DYNC1H1: variants seen among roughly 807,000 people sequenced by gnomAD.
The protein encoded by DYNC1H1 is cytoplasmic dynein 1 heavy chain 1.
In DYNC1H1, 51 loss-of-function variants were observed where a neutral mutation model predicts 527.1. The ratio of observed to expected loss-of-function variants is 0.10; its 90% CI spans 0.08 to 0.12. DYNC1H1 has a LOEUF of 0.12. DYNC1H1 is among the 10% of genes least tolerant of loss of function. The pLI is 1.00. For missense variants in DYNC1H1, 2,771 were observed against 5,971.8 expected (o/e 0.46, Z 17.66); for synonymous variants, 2,189 against 2,278.8 (o/e 0.96, Z 1.12).
intron 51 of DYNC1H1, 23 bp downstream of exon 51, chr14:102,030,305 T>C: frequency 6.2e-7 from 1 of 1,614,072 alleles, no homozygotes; most frequent in Non-Finnish European, 8.5e-7. Context: ...TGTCAGAGCT[T>C]TGATGTCTAG....
At position 102,015,388 on chromosome 14, in the gene DYNC1H1, T is replaced by A. The variant is rs1478737173; in HGVS notation, c.7242+56T>A. On this transcript the variant is annotated intron_variant, in intron 35 of 77. Transcript: ENST00000360184. The surrounding 1 kb of genome is among the most constrained non-coding windows in gnomAD (Gnocchi z 6.9). ...ACCTGAGGGTGCTAGGATATTCAGATGTGGTCTCGCTGTGTTGCCCACGCT... is the reference window on the plus strand; with the variant it reads ...ACCTGAGGGTGCTAGGATATTCAGAAGTGGTCTCGCTGTGTTGCCCACGCT... 25 of 1,535,200 alleles carry A rather than the reference T, an allele frequency of 1.6e-5. No individual in the cohort carries two copies. Among genetic ancestry groups the A allele is most frequent in the Non-Finnish European group, 2.1e-5 (24 of 1,135,052 alleles).
At chr14:101,970,766 A>G (rs1404898667) in intron 1 of DYNC1H1, among the ~76,000 whole-genome samples, 2 of 152,118 alleles carry the variant, frequency 1.3e-5, no homozygotes, top group African/African-American at 4.8e-5. Context: ...TGCAGGCGTG[A>G]GCCACTGTGC....
chr14:101,989,610 C>G (rs17512138), intron 10 of DYNC1H1, among the ~76,000 whole-genome samples: 12 of 152,178 alleles, frequency 7.9e-5, no homozygotes, highest in Non-Finnish European at 1.2e-4. Context: ...CAGTAAAAAC[C>G]TTGATCTGGG....
At position 102,049,700 on chromosome 14, in the gene DYNC1H1, G is replaced by C. The variant is rs768543264; in HGVS notation, c.13516-14G>C. On this transcript the variant is annotated splice_polypyrimidine_tract_variant and intron_variant, in intron 75 of 77. Coordinates refer to ENST00000360184, the MANE Select transcript of DYNC1H1 (RefSeq NM_001376.5). The surrounding 1 kb of genome is among the most constrained non-coding windows in gnomAD (Gnocchi z 5.5). ...ACCTGAGCTCCTTCCCCTGGGGGCT[G>C]CTGCTTTCCACAGAACATCCACGTG... 1.3e-5 allele frequency: 21 copies of C among 1,613,738 alleles called. No individual in the cohort carries two copies. In the African/African-American group the frequency reaches 2.5e-4, roughly 19 times the overall value.
chr14:102,043,776 G>C, intron 69 of DYNC1H1, 99 bp from the exon 70 acceptor site: 4 of 1,549,854 alleles, frequency 2.6e-6, no homozygotes, highest in Non-Finnish European at 2.7e-6. Flanking sequence ...TCAGGATGTG[G>C]AGAGCTCTTT....
At position 102,001,800 on chromosome 14, in the gene DYNC1H1, C is replaced by G; in HGVS notation, c.4542+119C>G. Reference sequence around the variant, plus strand: ...TTTATTGTATTTTTTGAGACAGGGTCTCACTCTGTCTCCCACGCTGGAGTG... The same window carrying G: ...TTTATTGTATTTTTTGAGACAGGGTGTCACTCTGTCTCCCACGCTGGAGTG... On this transcript the variant is annotated intron_variant, in intron 21 of 77. Transcript: ENST00000360184. This position sits in a 1 kb window ranked among gnomAD's most constrained non-coding sequence, Gnocchi z 5.0. 3.0e-6 allele frequency: 4 copies of G among 1,348,664 alleles called. No homozygotes were observed. The highest frequency in any genetic ancestry group is 4.1e-6 in the Non-Finnish European group (4 of 966,022). The allele number at this position is 1,348,664 out of a possible 1,614,324, so 83.5% of individuals were successfully genotyped here.
In DYNC1H1 at chr14:102,027,137, TAA is replaced by T. The variant is rs2048460207; in HGVS notation, c.8772-36_8772-35del. 1.0e-5 allele frequency: 16 copies of T among 1,598,726 alleles called. No homozygotes were observed. The highest frequency in any genetic ancestry group is 1.3e-5 in the African/African-American group (1 of 74,644). On this transcript the variant is annotated intron_variant, in intron 44 of 77. Coordinates refer to ENST00000360184, the MANE Select transcript of DYNC1H1 (RefSeq NM_001376.5). The surrounding 1 kb of genome is among the most constrained non-coding windows in gnomAD (Gnocchi z 7.7). ...GAGTCAAAAGGGGAATGAGGCATTATAAGCCTTAACATTGATCAGTTCTCGTA... is the reference window on the plus strand; with the variant it reads ...GAGTCAAAAGGGGAATGAGGCATTATGCCTTAACATTGATCAGTTCTCGTA...
chr14:102,040,974 AT>A, intron 64 of DYNC1H1: 1 of 481,114 alleles, frequency 2.1e-6, no homozygotes, highest in Non-Finnish European at 3.8e-6. Flanking sequence ...ATGGTCACTG[AT>A]TCCCAAGATA....
chr14:102,050,612 T>G lies in DYNC1H1; in HGVS notation c.*49T>G. On this transcript the variant is annotated 3_prime_UTR_variant, in exon 78 of 78. Transcript: ENST00000360184. ...TAATAGTGAAAGTTGGTATTTAACA[T>G]TTATTCATTTTTAAAATATTTGGAA... 6.2e-7 allele frequency: 1 copy of G among 1,613,648 alleles called. No individual in the cohort carries two copies. The highest frequency in any genetic ancestry group is 8.5e-7 in the Non-Finnish European group (1 of 1,179,640).
chr14:102,016,336 C>G lies in DYNC1H1; in HGVS notation c.7474-13C>G. On this transcript the variant is annotated splice_polypyrimidine_tract_variant and intron_variant, in intron 36 of 77. Coordinates refer to ENST00000360184, the MANE Select transcript of DYNC1H1 (RefSeq NM_001376.5). The surrounding 1 kb of genome is among the most constrained non-coding windows in gnomAD (Gnocchi z 7.3). ...ATTTTATAAAAATCAAAGTTTAATT[C>G]CCTTTTTAATAGCGATATCTGGTTT... is the stretch of plus-strand genomic sequence containing the variant. The G allele has an allele frequency of 6.2e-7, 1 of 1,614,154 alleles. No homozygotes were observed.
At chr14:102,008,444 A>G (rs1595613122) in intron 29 of DYNC1H1, 107 bp downstream of exon 29, 5 of 1,432,810 alleles carry the variant, frequency 3.5e-6, no homozygotes, top group Admixed American at 3.9e-5. Flanking sequence ...TTTAGCTCAC[A>G]GGAGCTCACT....
At chr14:101,987,185 C>G (rs2047946693) in intron 8 of DYNC1H1, among the ~76,000 whole-genome samples, 4 of 152,248 alleles carry the variant, frequency 2.6e-5, no homozygotes, top group Non-Finnish European at 5.9e-5. Context: ...TTACTTCCTT[C>G]TCCCAGATTT....
chr14:102,042,860 C>A lies in DYNC1H1; in HGVS notation c.12513+112C>A. 1 of 1,245,120 alleles carries A rather than the reference C, an allele frequency of 8.0e-7. No homozygotes were observed. Among genetic ancestry groups the A allele is most frequent in the Non-Finnish European group, 1.1e-6 (1 of 870,378 alleles). 77.1% of individuals were successfully genotyped at this position (1,245,120 alleles called of 1,614,324 possible). A position where few individuals can be genotyped will look rare whatever the true frequency, so the allele number is the denominator to read the frequency against. On this transcript the variant is annotated intron_variant, in intron 69 of 77. Transcript: ENST00000360184. The surrounding 1 kb of genome is among the most constrained non-coding windows in gnomAD (Gnocchi z 5.7). ...CCCGGAAGTGCCGTGTGGTGAACTG[C>A]ACAGCTGCTTTTGCTTTTCAGCTGT...
rs761651501 is a variant in DYNC1H1, at chr14:102,009,994, G to A, written c.6129G>A (p.Lys2043=). 4 of 1,614,080 alleles carry A rather than the reference G, an allele frequency of 2.5e-6. No homozygotes were observed. Among genetic ancestry groups the A allele is most frequent in the Non-Finnish European group, 3.4e-6 (4 of 1,180,042 alleles). ...TGTTCCGGAGCTTGGCCATGACCAA[G>A]CCCGACCGGCAGTTAATCGCCCAGG... is the stretch of plus-strand genomic sequence containing the variant. ...KKLFRSLAMT[K]PDRQLIAQVM... The change falls in exon 30 of 78, where the codon AAG becomes AAA. Residue 2043 remains lysine (K), a synonymous_variant. Coordinates refer to ENST00000360184, the MANE Select transcript of DYNC1H1 (RefSeq NM_001376.5).
intron 23 of DYNC1H1, among the ~76,000 whole-genome samples, chr14:102,003,850 C>T (rs1248064990): frequency 3.9e-5 from 6 of 152,032 alleles, no homozygotes; most frequent in South Asian, 2.1e-4. Flanking sequence ...CTCTTGAATC[C>T]GGGAGGCGGA....
chr14:101,966,464 G>T (rs1337537576), intron 1 of DYNC1H1, among the ~76,000 whole-genome samples: 1 of 150,800 alleles, frequency 6.6e-6, no homozygotes, highest in Non-Finnish European at 1.5e-5. Context: ...TATAGTCATT[G>T]TAGAAAATGT....
intron 52 of DYNC1H1, chr14:102,032,678 C>G: frequency 1.5e-6 from 1 of 647,844 alleles, no homozygotes; most frequent in Non-Finnish European, 2.7e-6. Flanking sequence ...ATGGCGACAC[C>G]CTGTCTCTAC....
intron 69 of DYNC1H1, chr14:102,043,195 A>G: frequency 3.4e-6 from 1 of 292,514 alleles, no homozygotes; most frequent in Non-Finnish European, 6.7e-6. Context: ...AGGCAGGAGA[A>G]TCGCTTGAAC....
At chr14:101,970,721 G>T (rs1054338262) in intron 1 of DYNC1H1, among the ~76,000 whole-genome samples, 4 of 152,084 alleles carry the variant, frequency 2.6e-5, no homozygotes, top group African/African-American at 7.2e-5. Context: ...GACCTCAGGT[G>T]ATCCGCCCGC....
Sources: gnomAD v4.1 joint callset for allele counts (sites outside exome capture counted in the v4.1 genomes callset) on GRCh38, gnomAD v4.1.1 for gene constraint, Gnocchi (gnomAD v3.1) non-coding constraint, MANE v1.5 for transcripts, NCBI Gene and HGNC (gene_info 2026-07-23, HGNC 2026-07-21) for gene names.